The following FLT1 variants were observed in gnomAD, a reference collection of about 807,000 sequenced individuals.
FLT1 encodes the protein fms related receptor tyrosine kinase 1, also known as vascular endothelial growth factor receptor 1.
Under a neutral mutation model 156.3 loss-of-function variants are expected in FLT1, and 49 were observed. The observed-to-expected ratio is 0.31, with a 90% confidence interval of 0.25 to 0.40. FLT1 has a LOEUF of 0.40. FLT1 is among the 10% of genes least tolerant of loss of function. The pLI is 1.00. For synonymous variants in FLT1, 594 were observed against 583.8 expected (o/e 1.02, Z -0.25); for missense variants, 1,322 against 1,637.2 (o/e 0.81, Z 3.32).
chr13:28,465,065 T>A lies in FLT1; in HGVS notation c.388+1838A>T, dbSNP rs968275349. Among the ~76,000 whole-genome samples the A allele has an allele frequency of 7.2e-5, 11 of 152,306 alleles. No individual in the cohort carries two copies. In the East Asian group the frequency reaches 2.1e-3, roughly 29 times the overall value. On this transcript the variant is annotated intron_variant, in intron 3 of 29. Transcript: ENST00000282397. ...CGTGGAATTAGAGAAAGAGAACAGA[T>A]GGCTGAGTACATGGCTTTTTCCACC...
chr13:28,335,595 G>T (rs1001908448), intron 17 of FLT1, among the ~76,000 whole-genome samples: 1 of 152,194 alleles, frequency 6.6e-6, no homozygotes, highest in East Asian at 1.9e-4. Flanking sequence ...CAGGTGTCCA[G>T]TTAGGATGTA....
chr13:28,344,681 C>T (rs952162679), intron 16 of FLT1, among the ~76,000 whole-genome samples: 1 of 151,936 alleles, frequency 6.6e-6, no homozygotes, highest in Non-Finnish European at 1.5e-5. Context: ...CAACCTGGAC[C>T]TCACACTCTA....
At chr13:28,464,067 G>C (rs1879725687) in intron 3 of FLT1, among the ~76,000 whole-genome samples, 1 of 152,062 alleles carries the variant, frequency 6.6e-6, no homozygotes, top group Non-Finnish European at 1.5e-5. Context: ...TACCATTATT[G>C]ATTCCAATAT....
intron 10 of FLT1, among the ~76,000 whole-genome samples, chr13:28,415,044 C>G (rs1205703670): frequency 1.3e-5 from 2 of 152,210 alleles, no homozygotes; most frequent in Non-Finnish European, 2.9e-5. Flanking sequence ...AACCCATAGT[C>G]ATGGACAGTT....
intron 10 of FLT1, among the ~76,000 whole-genome samples, chr13:28,418,287 G>T (rs922399349): frequency 6.6e-6 from 1 of 152,084 alleles, no homozygotes; most frequent in Admixed American, 6.5e-5. Flanking sequence ...GTCATCACTG[G>T]TTCTCAAAGA....
At chr13:28,386,764 A>T in intron 13 of FLT1, 1 of 1,054,602 alleles carries the variant, frequency 9.5e-7, no homozygotes, top group Middle Eastern at 4.3e-4. Flanking sequence ...TCAGTGAAAC[A>T]TGACAAGATC....
chr13:28,326,116 TTGA>T (rs1323075111), intron 20 of FLT1, among the ~76,000 whole-genome samples: 1 of 152,158 alleles, frequency 6.6e-6, no homozygotes, highest in Non-Finnish European at 1.5e-5. Flanking sequence ...GTCAATGATG[TTGA>T]TGATGATGAT....
chr13:28,392,511 T>C (rs1254252658), intron 12 of FLT1, among the ~76,000 whole-genome samples: 1 of 152,194 alleles, frequency 6.6e-6, no homozygotes, highest in African/African-American at 2.4e-5. Flanking sequence ...TGAGCTCTCA[T>C]CCTGGTAGTT....
intron 11 of FLT1, among the ~76,000 whole-genome samples, chr13:28,405,035 A>G (rs1566007777): frequency 6.8e-6 from 1 of 147,360 alleles, no homozygotes; most frequent in Non-Finnish European, 1.5e-5. Flanking sequence ...AAAAAAAAAA[A>G]AGAAAAGAAA....
rs914232757 is a variant in FLT1, at chr13:28,388,156, T to G, written c.1969+1640A>C. ...AGGCCAAAGAGCCATAGGTAAAATTTCAAGATACAATTGATTTTTCTTTCC... is the reference window on the plus strand; with the variant it reads ...AGGCCAAAGAGCCATAGGTAAAATTGCAAGATACAATTGATTTTTCTTTCC... On this transcript the variant is annotated intron_variant, in intron 13 of 29. Coordinates refer to ENST00000282397, the MANE Select transcript of FLT1 (RefSeq NM_002019.4). 4.7e-6 allele frequency: 5 copies of G among 1,057,812 alleles called. No individual in the cohort carries two copies. The South Asian group carries it at 2.3e-4, about 48-fold the overall frequency. 65.5% of individuals were successfully genotyped at this position (1,057,812 alleles called of 1,614,324 possible). A position where few individuals can be genotyped will look rare whatever the true frequency, so the allele number is the denominator to read the frequency against.
intron 29 of FLT1, among the ~76,000 whole-genome samples, chr13:28,304,678 C>T (rs780875700): frequency 6.6e-6 from 1 of 152,146 alleles, no homozygotes; most frequent in Non-Finnish European, 1.5e-5. Flanking sequence ...CACCTGTTAG[C>T]AGTCTTTCTT....
At chr13:28,379,545 G>T (rs1873987420) in intron 14 of FLT1, among the ~76,000 whole-genome samples, 1 of 152,172 alleles carries the variant, frequency 6.6e-6, no homozygotes, top group Non-Finnish European at 1.5e-5. Context: ...TCGAAGCCCT[G>T]AGAAGCCTGA....
At chr13:28,470,934 G>A (rs181707866) in intron 1 of FLT1, among the ~76,000 whole-genome samples, 6 of 151,960 alleles carry the variant, frequency 3.9e-5, no homozygotes, top group African/African-American at 1.2e-4. Context: ...CAGGTGATCC[G>A]CCCACCTCGG....
intron 3 of FLT1, among the ~76,000 whole-genome samples, chr13:28,453,655 T>G (rs1282218987): frequency 6.6e-6 from 1 of 152,218 alleles, no homozygotes; most frequent in Admixed American, 6.5e-5. Flanking sequence ...TTGGAAAATT[T>G]TGGGATCGTG....
chr13:28,312,513 A>C (rs982000173), intron 25 of FLT1, among the ~76,000 whole-genome samples: 4 of 146,006 alleles, frequency 2.7e-5, no homozygotes, highest in Non-Finnish European at 4.5e-5. Flanking sequence ...CTTAAAGTTA[A>C]AAAAAAAAAA....
intron 18 of FLT1, among the ~76,000 whole-genome samples, chr13:28,331,617 A>G (rs766288456): frequency 4.6e-5 from 7 of 152,126 alleles, no homozygotes; most frequent in Admixed American, 6.5e-5. Flanking sequence ...TTTTTATTAG[A>G]GATGGGATTT....
chr13:28,390,152 T>C (rs1377223252), intron 12 of FLT1, 48 bp from the exon 13 acceptor site: 3 of 1,596,330 alleles, frequency 1.9e-6, no homozygotes, highest in Admixed American at 3.4e-5. Context: ...AATCAGTGTC[T>C]TTTAATGAGA....
rs536326190 is a variant in FLT1 at position 28,423,557 on chromosome 13, G to T, written c.1436+3602C>A. On this transcript the variant is annotated intron_variant, in intron 10 of 29. Coordinates refer to ENST00000282397, the MANE Select transcript of FLT1 (RefSeq NM_002019.4). ...GAAATATCCTTTAAGTTCATTAAAGGTTCTCAGGTCTTATTTAAAGAAATG... is the reference window on the plus strand; with the variant it reads ...GAAATATCCTTTAAGTTCATTAAAGTTTCTCAGGTCTTATTTAAAGAAATG... 3.3e-5 allele frequency among the ~76,000 whole-genome samples: 5 copies of T among 152,242 alleles called. No individual in the cohort carries two copies. In the East Asian group the frequency reaches 5.8e-4, roughly 18 times the overall value.
intron 1 of FLT1, among the ~76,000 whole-genome samples, chr13:28,474,800 T>A (rs1880455115): frequency 6.6e-6 from 1 of 152,200 alleles, no homozygotes; most frequent in South Asian, 2.1e-4. Context: ...TACTTTAATA[T>A]TCTTGTCTCT....
Sources: allele counts gnomAD v4.1 joint callset (sites outside exome capture counted in the v4.1 genomes callset), GRCh38; gene constraint gnomAD v4.1.1; transcripts MANE v1.5; gene names NCBI Gene and HGNC (gene_info 2026-07-23, HGNC 2026-07-21).